Variants in HIC1 observed in about 807,000 individuals in gnomAD.
HIC1 encodes hypermethylated in cancer 1 protein.
HIC1 carries 9 observed loss-of-function variants against 26.4 expected under a neutral mutation model. The observed-to-expected ratio is 0.34, with a 90% CI of 0.21 to 0.59. The LOEUF is 0.59. HIC1 is among the 20% of genes least tolerant of loss of function. The probability of loss-of-function intolerance (pLI) is 0.82; values close to 1 mark genes in which losing one functional copy is unlikely to be tolerated. For synonymous variants in HIC1, 631 were observed against 523.1 expected (o/e 1.21, Z -2.81); for missense variants, 965 against 1,075.7 (o/e 0.90, Z 1.44).
Position 2,060,778 on chromosome 17 carries a change from T to A in HIC1, c.*1943T>A, listed in dbSNP as rs1340560730. On this transcript the variant is annotated 3_prime_UTR_variant, in exon 2 of 2. Transcript: ENST00000619757. ...ACGGGCCTGAGACCAGATGCCCCTT[T>A]CCTCTAGACTCATGACTGTCCACGG... The A allele has an allele frequency of 6.6e-6, 1 of 152,028 alleles. No homozygotes were observed. The highest frequency in any genetic ancestry group is 1.9e-4 in the East Asian group (1 of 5,174). 9.4% of individuals were successfully genotyped at this position (152,028 alleles called of 1,614,324 possible). A position where few individuals can be genotyped will look rare whatever the true frequency, so the allele number is the denominator to read the frequency against.
rs2067761418 is a variant in HIC1 at position 2,061,122 on chromosome 17, C to G, written c.*2287C>G. The stretch of plus-strand genomic sequence containing the variant: ...AAACTCAGAACCCCTGCCCTGTCTC[C>G]ACTGGAGAAAGTGGCTGCGTCCCCA... On this transcript the variant is annotated 3_prime_UTR_variant, in exon 2 of 2. Coordinates refer to ENST00000619757, the MANE Select transcript of HIC1 (RefSeq NM_006497.4). 1 of 208,630 alleles carries G rather than the reference C, an allele frequency of 4.8e-6. No individual in the cohort carries two copies. Among genetic ancestry groups the G allele is most frequent in the Admixed American group, 5.2e-5 (1 of 19,100 alleles). The allele number at this position is 208,630 out of a possible 1,614,324, so 12.9% of individuals were successfully genotyped here.
Position 2,056,992 on chromosome 17 carries a change from C to T in HIC1, c.302C>T (p.Pro101Leu). The change falls in exon 2 of 2, where the codon CCG (proline) becomes CTG (leucine). Residue 101 changes from proline to leucine, a missense_variant. Pro to Leu is a moderately conservative substitution (Grantham distance 98). This residue lies in a region of HIC1 where 526 missense variants were observed against 525.0 expected (regional missense o/e 1.00). Coordinates refer to ENST00000619757, the MANE Select transcript of HIC1 (RefSeq NM_006497.4). ...GCGGCTGCGGCCGCGGCCGTGGCCC[C>T]GGGGGCTGAGCCGAGCCTGGGCGCC... ...AEAAAAAAVA[P>L]GAEPSLGAVL... 1 of 1,554,320 alleles carries T rather than the reference C, an allele frequency of 6.4e-7. No individual in the cohort carries two copies. The highest frequency in any genetic ancestry group is 1.2e-5 in the South Asian group (1 of 84,414).
At position 2,059,036 on chromosome 17, in the gene HIC1, G is replaced by A. The variant is rs1258061365; in HGVS notation, c.*201G>A. ...GGGTCGGGGGAGAACCCCGGGACGG[G>A]GGTGGGATGGGGTAAGGGAAATTTA... On this transcript the variant is annotated 3_prime_UTR_variant, in exon 2 of 2. Transcript: ENST00000619757. 1 of 493,948 alleles carries A rather than the reference G, an allele frequency of 2.0e-6. No individual in the cohort carries two copies. Among genetic ancestry groups the A allele is most frequent in the African/African-American group, 2.0e-5 (1 of 48,868 alleles). 30.6% of individuals were successfully genotyped at this position (493,948 alleles called of 1,614,324 possible).
rs1361006949 is a variant in HIC1, at chr17:2,060,503, T to A, written c.*1668T>A. 6.6e-6 allele frequency: 1 copy of A among 151,908 alleles called. No individual in the cohort carries two copies. The highest frequency in any genetic ancestry group is 3.1e-3 in the Middle Eastern group (1 of 318). The allele number at this position is 151,908 out of a possible 1,614,324, so 9.4% of individuals were successfully genotyped here. A position where few individuals can be genotyped will look rare whatever the true frequency, so the allele number is the denominator to read the frequency against. On this transcript the variant is annotated 3_prime_UTR_variant, in exon 2 of 2. Transcript: ENST00000619757. The stretch of plus-strand genomic sequence containing the variant: ...TGTACTAGGTTCCTGCCATGGGTAG[T>A]AGAGAGGGAAAGTTCAGAGTGAGAA...
rs2067763344 is a variant in HIC1, at chr17:2,061,169, C to G, written c.*2334C>G. ...CCCAGGCGAGAAGGCCCTCCCTCAG[C>G]CTTGGAATGAGACGGGGGAGGGAGA... On this transcript the variant is annotated 3_prime_UTR_variant, in exon 2 of 2. Coordinates refer to ENST00000619757, the MANE Select transcript of HIC1 (RefSeq NM_006497.4). The G allele has an allele frequency of 3.7e-6, 1 of 270,690 alleles. No individual in the cohort carries two copies. Among genetic ancestry groups the G allele is most frequent in the Non-Finnish European group, 7.3e-6 (1 of 136,774 alleles). The allele number at this position is 270,690 out of a possible 1,614,324, so 16.8% of individuals were successfully genotyped here.
At chr17:2,056,539 CGGT>C in intron 1 of HIC1, 129 bp from the exon 2 acceptor site, 1 of 1,374,640 alleles carries the variant, frequency 7.3e-7, no homozygotes, top group Non-Finnish European at 9.8e-7. Flanking sequence ...GGTCCTTCGC[CGGT>C]GCCCAGGCCG....
rs983158811 is a variant in HIC1, at chr17:2,058,524, CTCCCCGGCG to C, written c.1843_1851del (p.Val615_Gly617del). 1.3e-6 allele frequency: 2 copies of C among 1,494,952 alleles called. No homozygotes were observed. The highest frequency in any genetic ancestry group is 1.5e-5 in the African/African-American group (1 of 68,782). 92.6% of individuals were successfully genotyped at this position (1,494,952 alleles called of 1,614,324 possible). On this transcript the variant is annotated inframe_deletion, in exon 2 of 2. Transcript: ENST00000619757. The stretch of plus-strand genomic sequence containing the variant: ...CGGGGCGCTGGCGGGCTTGGGGGGG[CTCCCCGGCG>C]TCCCCGGCCCCGACGGCAAGGGCAA...
chr17:2,056,849 C>G lies in HIC1; in HGVS notation c.159C>G (p.Leu53=), dbSNP rs2067676757. 6.2e-7 allele frequency: 1 copy of G among 1,612,852 alleles called. No individual in the cohort carries two copies. The highest frequency in any genetic ancestry group is 1.7e-5 in the Admixed American group (1 of 60,016). The change falls in exon 2 of 2, where the codon CTC becomes CTG. Residue 53 remains leucine (L), a synonymous_variant. Coordinates refer to ENST00000619757, the MANE Select transcript of HIC1 (RefSeq NM_006497.4). ...KNVLAASSAY[L]KSLVVHDNLL... is the part of the protein sequence containing the mutation. ...TGCTGGCGGCCAGCAGCGCCTACCT[C>G]AAGTCCCTGGTGGTGCATGACAACC...
Position 2,058,516 on chromosome 17 carries a change from T to TG in HIC1, c.1833dup (p.Leu612AlafsTer161), listed in dbSNP as rs1256470137. On this transcript the variant is annotated frameshift_variant, in exon 2 of 2. Transcript: ENST00000619757. LOFTEE classifies it high-confidence loss of function. ...GGCGCGGCCGGGGCGCTGGCGGGCT[T>TG]GGGGGGGCTCCCCGGCGTCCCCGGC... The TG allele has an allele frequency of 5.3e-6, 8 of 1,496,848 alleles. No homozygotes were observed. The highest frequency in any genetic ancestry group is 3.5e-6 in the Non-Finnish European group (4 of 1,128,924). The allele number at this position is 1,496,848 out of a possible 1,614,324, so 92.7% of individuals were successfully genotyped here. A position where few individuals can be genotyped will look rare whatever the true frequency, so the allele number is the denominator to read the frequency against.
At position 2,058,799 on chromosome 17, in the gene HIC1, C is replaced by T; in HGVS notation, c.2109C>T (p.Pro703=). 1.3e-6 allele frequency: 2 copies of T among 1,501,846 alleles called. No individual in the cohort carries two copies. The highest frequency in any genetic ancestry group is 1.8e-6 in the Non-Finnish European group (2 of 1,132,362). The allele number at this position is 1,501,846 out of a possible 1,614,324, so 93.0% of individuals were successfully genotyped here. A position where few individuals can be genotyped will look rare whatever the true frequency, so the allele number is the denominator to read the frequency against. Residue 703 remains proline (P), a synonymous_variant, in exon 2 of 2, where the codon CCC becomes CCT. Transcript: ENST00000619757. ...AGGGCGCTCACCTGGCGGCCGGGCCCGACGGCCGGACCATCGACCGTTTCT... is the reference window on the plus strand; with the variant it reads ...AGGGCGCTCACCTGGCGGCCGGGCCTGACGGCCGGACCATCGACCGTTTCT... ...LSQGAHLAAG[P]DGRTIDRFSP... is the part of the protein sequence containing the mutation.
rs916748220 is a variant in HIC1 at position 2,057,622 on chromosome 17, G to T, written c.932G>T (p.Arg311Leu). 2.0e-6 allele frequency: 3 copies of T among 1,513,254 alleles called. No homozygotes were observed. In the African/African-American group the frequency reaches 4.3e-5, roughly 22 times the overall value. The allele number at this position is 1,513,254 out of a possible 1,614,324, so 93.7% of individuals were successfully genotyped here. Residue 311 changes from arginine to leucine, a missense_variant, in exon 2 of 2, where the codon CGC becomes CTC. Arg to Leu is a moderately radical substitution (Grantham distance 102). Transcript: ENST00000619757. ...GRPDGPSLLY[R>L]WMKHEPGLGS... ...CCCGACGGGCCTAGTCTCCTCTATC[G>T]CTGGATGAAGCACGAGCCGGGCCTG...
chr17:2,056,589 A>G (rs1164016842), intron 1 of HIC1, 82 bp from the exon 2 acceptor site: 2 of 1,451,416 alleles, frequency 1.4e-6, no homozygotes, highest in Non-Finnish European at 1.8e-6. Flanking sequence ...GGGAAGGGGA[A>G]GTGGAGGGGA....
In HIC1 at chr17:2,057,523, T is replaced by C; in HGVS notation, c.833T>C (p.Leu278Pro). The C allele has an allele frequency of 6.7e-7, 1 of 1,493,280 alleles. No individual in the cohort carries two copies. Among genetic ancestry groups the C allele is most frequent in the Non-Finnish European group, 8.9e-7 (1 of 1,127,318 alleles). 92.5% of individuals were successfully genotyped at this position (1,493,280 alleles called of 1,614,324 possible). The part of the protein sequence containing the change: ...PSLPPLPFQK[L>P]EEAAPPSDPF... ...CTGCCGCCGCTGCCCTTCCAGAAGC[T>C]GGAGGAGGCCGCACCGCCTTCCGAC... is the stretch of plus-strand genomic sequence containing the variant. Residue 278 changes from leucine to proline, a missense_variant, in exon 2 of 2, where the codon CTG becomes CCG. Leu to Pro is a moderately conservative substitution (Grantham distance 98). Around this residue, in one of 6 missense-constraint regions of HIC1, gnomAD observed 526 missense variants for 525.0 expected, o/e 1.00. Coordinates refer to ENST00000619757, the MANE Select transcript of HIC1 (RefSeq NM_006497.4).
In HIC1 at chr17:2,058,646, C is replaced by G. The variant is rs752375940; in HGVS notation, c.1956C>G (p.Ala652=). Residue 652 remains alanine (A), a synonymous_variant, in exon 2 of 2, where the codon GCC becomes GCG. Coordinates refer to ENST00000619757, the MANE Select transcript of HIC1 (RefSeq NM_006497.4). ...SLKQQDKAAA[A]ELLAQTTHFL... ...AGCAGCAGGACAAGGCGGCCGCGGCCGAGCTGCTGGCGCAGACCACGCACT... is the reference window on the plus strand; with the variant it reads ...AGCAGCAGGACAAGGCGGCCGCGGCGGAGCTGCTGGCGCAGACCACGCACT... 1.3e-6 allele frequency: 2 copies of G among 1,563,460 alleles called. No individual in the cohort carries two copies. Among genetic ancestry groups the G allele is most frequent in the Non-Finnish European group, 1.7e-6 (2 of 1,161,126 alleles).
At position 2,057,931 on chromosome 17, in the gene HIC1, G is replaced by C; in HGVS notation, c.1241G>C (p.Gly414Ala). ...HLAYGEPESF[G>A]DNLYVCIPCG... ...GCCTATGGCGAGCCCGAGAGCTTCG[G>C]TGACAACCTGTACGTGTGCATTCCG... The change falls in exon 2 of 2, where the codon GGT becomes GCT. Residue 414 changes from glycine (G) to alanine (A), a missense_variant. Transcript: ENST00000619757. The C allele has an allele frequency of 6.2e-7, 1 of 1,610,230 alleles. No individual in the cohort carries two copies. Among genetic ancestry groups the C allele is most frequent in the Non-Finnish European group, 8.5e-7 (1 of 1,178,808 alleles).
chr17:2,057,968 C>T lies in HIC1; in HGVS notation c.1278C>T (p.Gly426=), dbSNP rs564968032. ...NLYVCIPCGK[G]FPSSEQLNAH... is the part of the protein sequence containing the mutation. ...ACGTGTGCATTCCGTGCGGCAAGGG[C>T]TTCCCCAGCTCTGAGCAGCTGAACG... Residue 426 remains glycine, a synonymous_variant, in exon 2 of 2, where the codon GGC becomes GGT. Coordinates refer to ENST00000619757, the MANE Select transcript of HIC1 (RefSeq NM_006497.4). The T allele has an allele frequency of 3.1e-6, 5 of 1,608,418 alleles. No individual in the cohort carries two copies. In the African/African-American group the frequency reaches 4.0e-5, roughly 13 times the overall value.
chr17:2,055,315 T>C lies in HIC1; in HGVS notation c.-21+77T>C, dbSNP rs4480845. 0.64 allele frequency: 96,748 copies of C among 152,036 alleles called. 31,194 individuals carry two copies. The highest frequency in any genetic ancestry group is 0.69 in the Admixed American group (10,546 of 15,292). 9.4% of individuals were successfully genotyped at this position (152,036 alleles called of 1,614,324 possible). ...GTCCTCGTGCGTCGGCCGCCTCGGG[T>C]GCATCTTCTGGCGCGGGTGCCCCAT... On this transcript the variant is annotated intron_variant, in intron 1 of 1. Coordinates refer to ENST00000619757, the MANE Select transcript of HIC1 (RefSeq NM_006497.4). The surrounding 1 kb of genome is among the most constrained non-coding windows in gnomAD (Gnocchi z 6.4).
Position 2,059,091 on chromosome 17 carries a change from G to T in HIC1, c.*256G>T. 2.3e-6 allele frequency: 1 copy of T among 428,224 alleles called. No homozygotes were observed. Among genetic ancestry groups the T allele is most frequent in the Non-Finnish European group, 4.2e-6 (1 of 235,616 alleles). The allele number at this position is 428,224 out of a possible 1,614,324, so 26.5% of individuals were successfully genotyped here. ...TTTGATATCAGCTTTGACCAAAGGA[G>T]ACCCCAGGCCCCTCCCGCCTCTTCC... is the stretch of plus-strand genomic sequence containing the variant. On this transcript the variant is annotated 3_prime_UTR_variant, in exon 2 of 2. Coordinates refer to ENST00000619757, the MANE Select transcript of HIC1 (RefSeq NM_006497.4).
Position 2,061,359 on chromosome 17 carries a change from T to G in HIC1, c.*2524T>G. 1.3e-5 allele frequency: 11 copies of G among 853,714 alleles called. No homozygotes were observed. The highest frequency in any genetic ancestry group is 2.8e-5 in the East Asian group (1 of 35,416). The allele number at this position is 853,714 out of a possible 1,614,324, so 52.9% of individuals were successfully genotyped here. On this transcript the variant is annotated 3_prime_UTR_variant, in exon 2 of 2. Transcript: ENST00000619757. ...GGTCCCCCACAGCATGGCCGTGGCGTGGGTTGGAAGAGGATGGTTTATTGT... is the reference window on the plus strand; with the variant it reads ...GGTCCCCCACAGCATGGCCGTGGCGGGGGTTGGAAGAGGATGGTTTATTGT...
Sources: allele counts gnomAD v4.1 joint callset, GRCh38; gene constraint gnomAD v4.1.1; regional missense constraint gnomAD v4.1.1; non-coding constraint Gnocchi (gnomAD v3.1); transcripts MANE v1.5; gene names NCBI Gene and HGNC (gene_info 2026-07-23, HGNC 2026-07-21).